MAPKAP1: variants seen among roughly 807,000 people sequenced by gnomAD.
MAPKAP1 encodes the protein MAPK associated protein 1.
MAPKAP1 carries 20 observed loss-of-function variants against 65.7 expected under a neutral mutation model. That is an observed-to-expected ratio of 0.30 (90% confidence interval 0.21 to 0.44). The LOEUF (loss-of-function observed/expected upper bound fraction) is 0.44, where lower values mean the gene tolerates loss of function less well. MAPKAP1 is among the 20% of genes least tolerant of loss of function. The pLI, the probability that MAPKAP1 is intolerant of heterozygous loss-of-function variation, is 1.00. For missense variants in MAPKAP1, 423 were observed against 648.0 expected, an observed-to-expected ratio of 0.65 and a Z score of 3.77; for synonymous variants, 222 against 244.3, an observed-to-expected ratio of 0.91 and a Z score of 0.85.
intron 10 of MAPKAP1, among the ~76,000 whole-genome samples, chr9:125,465,950 C>T (rs1376813816): frequency 6.6e-6 from 1 of 152,158 alleles, no homozygotes. Flanking sequence ...CAGAATGCAT[C>T]GTGTGCAAGT....
chr9:125,605,330 G>T (rs1832409716), intron 4 of MAPKAP1, among the ~76,000 whole-genome samples: 1 of 152,184 alleles, frequency 6.6e-6, no homozygotes, highest in East Asian at 1.9e-4. Flanking sequence ...AAAGCAGACA[G>T]CTTCCATTCC....
intron 1 of MAPKAP1, among the ~76,000 whole-genome samples, chr9:125,684,475 C>T (rs1834914489): frequency 6.6e-6 from 1 of 152,088 alleles, no homozygotes; most frequent in African/African-American, 2.4e-5. Flanking sequence ...AGGTTTGAAG[C>T]CACTAAATTT....
intron 8 of MAPKAP1, among the ~76,000 whole-genome samples, chr9:125,500,561 C>T (rs1403166931): frequency 6.6e-6 from 1 of 152,120 alleles, no homozygotes; most frequent in Non-Finnish European, 1.5e-5. Context: ...CTTGTGTGTA[C>T]ACACACCTAT....
chr9:125,439,133 C>G lies in MAPKAP1; in HGVS notation c.1444-121G>C. On this transcript the variant is annotated intron_variant, in intron 11 of 11. Transcript: ENST00000265960. The surrounding 1 kb of genome is among the most constrained non-coding windows in gnomAD (Gnocchi z 4.0). ...CGGGTGCCTCAGGGCCAGGTGCTGT[C>G]GTGTGGAAGGAGTCCAGTCATCACA... 1.8e-6 allele frequency: 2 copies of G among 1,116,900 alleles called. No individual in the cohort carries two copies. The highest frequency in any genetic ancestry group is 1.3e-6 in the Non-Finnish European group (1 of 791,206). 69.2% of individuals were successfully genotyped at this position (1,116,900 alleles called of 1,614,324 possible).
Position 125,599,604 on chromosome 9 carries a change from CTT to C in MAPKAP1, c.499-13879_499-13878del, listed in dbSNP as rs72065538. 2.0e-3 allele frequency among the ~76,000 whole-genome samples: 247 copies of C among 126,382 alleles called. 1 individual carries two copies. The highest frequency in any genetic ancestry group is 0.014 in the East Asian group (60 of 4,152). The allele number at this position is 126,382 out of a possible 152,430, so 82.9% of individuals were successfully genotyped here. On this transcript the variant is annotated intron_variant, in intron 4 of 11. Coordinates refer to ENST00000265960, the MANE Select transcript of MAPKAP1 (RefSeq NM_001006617.3). ...TAACATCTATGATAAATGTAAGTCC[CTT>C]TTTTTTTTTTTTTTTGAGATGGAGT...
At chr9:125,529,197 G>C (rs1467154092) in intron 7 of MAPKAP1, among the ~76,000 whole-genome samples, 1 of 141,912 alleles carries the variant, frequency 7.0e-6, no homozygotes, top group East Asian at 2.0e-4. Context: ...AAAAAAAAAA[G>C]AAAGAAAGAA....
At chr9:125,652,769 C>A (rs1005664841) in intron 4 of MAPKAP1, among the ~76,000 whole-genome samples, 1 of 152,110 alleles carries the variant, frequency 6.6e-6, no homozygotes, top group Admixed American at 6.5e-5. Context: ...AATAGCCAAT[C>A]CCCCACCCAC....
chr9:125,593,928 C>T lies in MAPKAP1; in HGVS notation c.499-8201G>A, dbSNP rs532727847. Among the ~76,000 whole-genome samples, 7 of 152,270 alleles carry T rather than the reference C, an allele frequency of 4.6e-5. No individual in the cohort carries two copies. The East Asian group carries it at 1.4e-3, about 29-fold the overall frequency. ...ATCTGAAATTTAACATATCCAACAC[C>T]AATTTTCTTCTTCACTGGCATGTCT... On this transcript the variant is annotated intron_variant, in intron 4 of 11. Coordinates refer to ENST00000265960, the MANE Select transcript of MAPKAP1 (RefSeq NM_001006617.3).
intron 8 of MAPKAP1, among the ~76,000 whole-genome samples, chr9:125,496,911 C>T (rs1854969945): frequency 6.6e-6 from 1 of 152,034 alleles, no homozygotes; most frequent in South Asian, 2.1e-4. Context: ...CAGGCCTGGC[C>T]ACAGACACCA....
chr9:125,471,153 C>T (rs1459368643), intron 9 of MAPKAP1: 1 of 152,384 alleles, frequency 6.6e-6, no homozygotes, highest in East Asian at 1.9e-4. Flanking sequence ...CTATCTGCTC[C>T]TGCCGCCATG....
chr9:125,519,995 C>T (rs1227067807), intron 7 of MAPKAP1, among the ~76,000 whole-genome samples: 1 of 152,154 alleles, frequency 6.6e-6, no homozygotes, highest in Non-Finnish European at 1.5e-5. Flanking sequence ...GAATGTTCTG[C>T]AAACTCTGCA....
At chr9:125,680,022 T>C (rs1834774150) in intron 1 of MAPKAP1, among the ~76,000 whole-genome samples, 1 of 152,192 alleles carries the variant, frequency 6.6e-6, no homozygotes, top group South Asian at 2.1e-4. Context: ...CCCACACTAT[T>C]ATTGTACTTG....
chr9:125,498,503 A>G (rs1394046814), intron 8 of MAPKAP1, among the ~76,000 whole-genome samples: 1 of 152,228 alleles, frequency 6.6e-6, no homozygotes, highest in Non-Finnish European at 1.5e-5. Flanking sequence ...ATGCCTTACA[A>G]TAGTAGGCCC....
intron 4 of MAPKAP1, among the ~76,000 whole-genome samples, chr9:125,615,677 C>G (rs959660438): frequency 6.6e-6 from 1 of 151,994 alleles, no homozygotes; most frequent in African/African-American, 2.4e-5. Flanking sequence ...CTCTGGGAGG[C>G]CAAGGTGAGT....
chr9:125,512,561 T>C lies in MAPKAP1; in HGVS notation c.959-6144A>G, dbSNP rs115716284. Among the ~76,000 whole-genome samples the C allele has an allele frequency of 6.2e-3, 936 of 152,178 alleles. 16 individuals are homozygous for C. Among genetic ancestry groups the C allele is most frequent in the African/African-American group, 0.022 (901 of 41,514 alleles). ...GTTTCTTTTCCTCTCACGTAGTTTA[T>C]TGGTTCGTATGTATACATATTTTTT... is the stretch of plus-strand genomic sequence containing the variant. On this transcript the variant is annotated intron_variant, in intron 7 of 11. Coordinates refer to ENST00000265960, the MANE Select transcript of MAPKAP1 (RefSeq NM_001006617.3).
intron 4 of MAPKAP1, among the ~76,000 whole-genome samples, chr9:125,617,649 C>G (rs1271805490): frequency 1.3e-5 from 2 of 151,944 alleles, no homozygotes; most frequent in Non-Finnish European, 2.9e-5. Flanking sequence ...CTACAGACAT[C>G]AATATGGGTG....
intron 7 of MAPKAP1, among the ~76,000 whole-genome samples, chr9:125,512,598 T>C (rs1039216299): frequency 6.6e-6 from 1 of 152,156 alleles, no homozygotes; most frequent in Non-Finnish European, 1.5e-5. Flanking sequence ...TTTGTTTCTT[T>C]TGAGATGGAG....
At chr9:125,678,645 G>C (rs1029954434) in intron 1 of MAPKAP1, among the ~76,000 whole-genome samples, 10 of 152,158 alleles carry the variant, frequency 6.6e-5, no homozygotes, top group Non-Finnish European at 1.2e-4. Context: ...AGTGGTTTCA[G>C]ATGCACTTTG....
intron 9 of MAPKAP1, among the ~76,000 whole-genome samples, chr9:125,483,835 A>G (rs1854401805): frequency 6.6e-6 from 1 of 152,184 alleles, no homozygotes; most frequent in Non-Finnish European, 1.5e-5. Flanking sequence ...ACAGTGACTA[A>G]TACACAGCAG....
Sources: allele counts gnomAD v4.1 joint callset (sites outside exome capture counted in the v4.1 genomes callset), GRCh38; gene constraint gnomAD v4.1.1; non-coding constraint Gnocchi (gnomAD v3.1); transcripts MANE v1.5; gene names NCBI Gene and HGNC (gene_info 2026-07-23, HGNC 2026-07-21).